KTN1: variants seen among roughly 807,000 people sequenced by gnomAD.
KTN1 encodes kinectin.
A neutral mutation model predicts 222.5 loss-of-function variants in KTN1; 130 were observed. That is an observed-to-expected ratio of 0.58 (90% CI 0.51 to 0.68). The LOEUF is 0.68. Ranked by LOEUF, KTN1 falls within the 30% of genes least tolerant of loss-of-function variation. The pLI is 0.00. For missense variants in KTN1, 1,508 were observed against 1,500.4 expected (o/e 1.01, Z -0.08); for synonymous variants, 512 against 496.3 (o/e 1.03, Z -0.42).
At chr14:55,587,734 T>C (rs2033314461) in intron 1 of KTN1, among the ~76,000 whole-genome samples, 1 of 152,180 alleles carries the variant, frequency 6.6e-6, no homozygotes, top group African/African-American at 2.4e-5. Flanking sequence ...TTCCTCAAGC[T>C]TGTATTTAGT....
chr14:55,634,413 G>T (rs751995211), intron 8 of KTN1, 113 bp from the exon 9 acceptor site: 135 of 801,582 alleles, frequency 1.7e-4, no homozygotes, highest in Non-Finnish European at 2.2e-4. Context: ...GTTTCAGTTG[G>T]GCTGTAAATG....
chr14:55,598,698 AT>A (rs1413148739), intron 1 of KTN1, among the ~76,000 whole-genome samples: 2 of 152,210 alleles, frequency 1.3e-5, no homozygotes, highest in African/African-American at 2.4e-5. Flanking sequence ...TTCTATGGAG[AT>A]TTTATTACAT....
intron 1 of KTN1, among the ~76,000 whole-genome samples, chr14:55,602,031 C>T (rs958080308): frequency 6.6e-5 from 10 of 152,102 alleles, no homozygotes; most frequent in Admixed American, 2.6e-4. Context: ...CCACCACGCC[C>T]GGCCCTCAAG....
intron 4 of KTN1, among the ~76,000 whole-genome samples, 154 bp downstream of exon 4, chr14:55,618,288 C>T (rs2038673534): frequency 6.6e-6 from 1 of 152,188 alleles, no homozygotes; most frequent in Admixed American, 6.5e-5. Flanking sequence ...TTAGTCCAGC[C>T]TCCTCAGTTT....
intron 12 of KTN1, 34 bp from the exon 13 acceptor site, chr14:55,639,147 TTAAA>T (rs1289061851): frequency 9.1e-6 from 13 of 1,427,418 alleles, no homozygotes; most frequent in African/African-American, 1.4e-5. Context: ...AAGCTTTCTC[TTAAA>T]TACTTTTATG....
chr14:55,611,337 A>G (rs1478480908), intron 1 of KTN1, among the ~76,000 whole-genome samples: 1 of 150,750 alleles, frequency 6.6e-6, no homozygotes, highest in Non-Finnish European at 1.5e-5. Context: ...CCTAGGCTCA[A>G]GTGATCCGTC....
At chr14:55,602,786 G>A (rs2036176421) in intron 1 of KTN1, among the ~76,000 whole-genome samples, 1 of 152,036 alleles carries the variant, frequency 6.6e-6, no homozygotes, top group Admixed American at 6.6e-5. Flanking sequence ...CTGCTATGTT[G>A]CCCAGGATGG....
chr14:55,672,805 A>C, intron 38 of KTN1, 104 bp downstream of exon 38: 1 of 1,049,378 alleles, frequency 9.5e-7, no homozygotes, highest in Non-Finnish European at 1.5e-6. Flanking sequence ...TATGCTCTTA[A>C]TATCTTGGGT....
intron 25 of KTN1, among the ~76,000 whole-genome samples, chr14:55,652,286 G>C (rs1240141931): frequency 6.6e-6 from 1 of 151,788 alleles, no homozygotes; most frequent in Non-Finnish European, 1.5e-5. Flanking sequence ...ATACAGGGTA[G>C]AGGTACAGCT....
Position 55,609,792 on chromosome 14 carries a change from C to T in KTN1, c.-30-2227C>T, listed in dbSNP as rs143339378. Among the ~76,000 whole-genome samples, 381 of 152,184 alleles carry T rather than the reference C, an allele frequency of 2.5e-3. 3 individuals carry two copies. The highest frequency in any genetic ancestry group is 8.8e-3 in the African/African-American group (367 of 41,542). Reference sequence around the variant, plus strand: ...TCTCTTCTTCACCAAAGCAAAAACTCGAAGCATTCCAACTCATTGTTTTGT... The same window carrying T: ...TCTCTTCTTCACCAAAGCAAAAACTTGAAGCATTCCAACTCATTGTTTTGT... On this transcript the variant is annotated intron_variant, in intron 1 of 43. Coordinates refer to ENST00000395314, the MANE Select transcript of KTN1 (RefSeq NM_001079521.2).
At chr14:55,660,455 T>C (rs1157123952) in intron 31 of KTN1, among the ~76,000 whole-genome samples, 2 of 150,950 alleles carry the variant, frequency 1.3e-5, no homozygotes, top group Non-Finnish European at 3.0e-5. Flanking sequence ...TCTGTGAGGC[T>C]ACATTTAAGG....
chr14:55,622,872 A>G (rs1441370962), intron 5 of KTN1, among the ~76,000 whole-genome samples: 2 of 152,192 alleles, frequency 1.3e-5, no homozygotes, highest in Non-Finnish European at 2.9e-5. Context: ...ATTCCTTAAC[A>G]GGTCTATGTC....
chr14:55,630,169 G>C, intron 7 of KTN1, 72 bp downstream of exon 7: 1 of 1,318,542 alleles, frequency 7.6e-7, no homozygotes, highest in South Asian at 1.2e-5. Flanking sequence ...TAAGTGGCTA[G>C]TATGTACAAG....
intron 15 of KTN1, among the ~76,000 whole-genome samples, chr14:55,640,708 CA>C (rs976119203): frequency 2.1e-4 from 32 of 151,556 alleles, no homozygotes; most frequent in African/African-American, 7.8e-4. Context: ...CCATTTAATT[CA>C]AAAAGGATAT....
chr14:55,663,651 G>T, intron 32 of KTN1: 2 of 252,360 alleles, frequency 7.9e-6, no homozygotes, highest in Non-Finnish European at 1.5e-5. Context: ...CTGAAATCAT[G>T]TATGTATTCT....
intron 10 of KTN1, 69 bp from the exon 11 acceptor site, chr14:55,637,129 A>C: frequency 8.6e-7 from 1 of 1,161,584 alleles, no homozygotes; most frequent in Non-Finnish European, 1.2e-6. Context: ...GAGAATGCCT[A>C]CACGAAAGAT....
chr14:55,674,542 T>G (rs1261474680), intron 40 of KTN1: 2 of 152,184 alleles, frequency 1.3e-5, no homozygotes, highest in Admixed American at 1.3e-4. Flanking sequence ...ATTGTGAGAC[T>G]GGTTCTATGC....
At chr14:55,666,842 C>T (rs568225460) in intron 33 of KTN1, among the ~76,000 whole-genome samples, 2 of 151,956 alleles carry the variant, frequency 1.3e-5, no homozygotes, top group East Asian at 1.9e-4. Context: ...AGAGATATAC[C>T]AGCCAATAAA....
chr14:55,676,766 AT>A (rs954256807), intron 41 of KTN1, among the ~76,000 whole-genome samples: 3 of 151,774 alleles, frequency 2.0e-5, no homozygotes, highest in African/African-American at 7.3e-5. Context: ...GTTGAAAGAA[AT>A]TTTTTTTTGA....
Sources: allele counts gnomAD v4.1 joint callset (sites outside exome capture counted in the v4.1 genomes callset), GRCh38; gene constraint gnomAD v4.1.1; transcripts MANE v1.5; gene names NCBI Gene and HGNC (gene_info 2026-07-23, HGNC 2026-07-21).